ANXA11: variants seen among roughly 807,000 people sequenced by gnomAD.
The protein encoded by ANXA11 is annexin A11.
Under a neutral mutation model 64.7 loss-of-function variants are expected in ANXA11, and 57 were observed. That is an observed-to-expected ratio of 0.88 (90% CI 0.71 to 1.10). ANXA11 has a LOEUF of 1.10. ANXA11 is among the 50% of genes least tolerant of loss of function. The probability of loss-of-function intolerance (pLI) is 0.00; values close to 1 mark genes in which losing one functional copy is unlikely to be tolerated. For missense variants in ANXA11, 675 were observed against 670.7 expected (o/e 1.01, Z -0.07); for synonymous variants, 260 against 265.2 (o/e 0.98, Z 0.19).
chr10:80,205,519 G>A lies in ANXA11; in HGVS notation c.-234C>T, dbSNP rs946517081. 14 of 152,178 alleles carry A rather than the reference G, an allele frequency of 9.2e-5. No homozygotes were observed. The East Asian group carries it at 2.5e-3, about 27-fold the overall frequency. 9.4% of individuals were successfully genotyped at this position (152,178 alleles called of 1,614,324 possible). ...GGAGCCGCGGGCGCAGCAGCCGTCA[G>A]CGCCGGGCGGAAAACTCCGCGGGCG... is the stretch of plus-strand genomic sequence containing the variant. On this transcript the variant is annotated 5_prime_UTR_variant, in exon 1 of 16. Transcript: ENST00000422982.
chr10:80,192,012 C>T (rs984250217), intron 1 of ANXA11, among the ~76,000 whole-genome samples: 4 of 152,188 alleles, frequency 2.6e-5, no homozygotes, highest in African/African-American at 9.7e-5. Context: ...AGCTCATCGT[C>T]CCCAGGGCAG....
chr10:80,171,244 C>A, intron 3 of ANXA11: 1 of 1,195,168 alleles, frequency 8.4e-7, no homozygotes, highest in Non-Finnish European at 1.0e-6. Flanking sequence ...GGAGGACAGA[C>A]AAGGACAGAC....
At chr10:80,198,310 T>C (rs1298831724) in intron 1 of ANXA11, among the ~76,000 whole-genome samples, 1 of 152,218 alleles carries the variant, frequency 6.6e-6, no homozygotes, top group Non-Finnish European at 1.5e-5. Context: ...CTGTTCTCTC[T>C]TGCTTTAGTA....
rs758605907 is a variant in ANXA11, at chr10:80,166,936, T to C, written c.698A>G (p.Lys233Arg). 6.2e-7 allele frequency: 1 copy of C among 1,609,570 alleles called. No individual in the cohort carries two copies. The highest frequency in any genetic ancestry group is 2.2e-5 in the East Asian group (1 of 44,694). ...IIDCLGSRSNKQRQQILLSFK... is the reference protein window; with the variant it reads ...IIDCLGSRSNRQRQQILLSFK... ...GGAAAGTAGGATCTGCTGCCGCTGCTTGTTGGAGCGACTCCCCAGGCAGTC... is the reference window on the plus strand; with the variant it reads ...GGAAAGTAGGATCTGCTGCCGCTGCCTGTTGGAGCGACTCCCCAGGCAGTC... Residue 233 changes from lysine to arginine, a missense_variant, in exon 7 of 16, where the codon AAG (lysine) becomes AGG (arginine). By Grantham distance (26) the Lys-to-Arg change is conservative. Coordinates refer to ENST00000422982, the MANE Select transcript of ANXA11 (RefSeq NM_145868.2).
chr10:80,200,648 A>C (rs1840380024), intron 1 of ANXA11, among the ~76,000 whole-genome samples: 1 of 152,230 alleles, frequency 6.6e-6, no homozygotes, highest in African/African-American at 2.4e-5. Flanking sequence ...TAAGAGATCT[A>C]TCTAAAGTCA....
chr10:80,174,183 G>C (rs1316276357), intron 2 of ANXA11, among the ~76,000 whole-genome samples: 2 of 152,002 alleles, frequency 1.3e-5, no homozygotes, highest in African/African-American at 2.4e-5. Context: ...GCCTCCTAAA[G>C]ACATGTGCCA....
At chr10:80,185,196 C>T (rs867637456) in intron 1 of ANXA11, among the ~76,000 whole-genome samples, 4 of 152,308 alleles carry the variant, frequency 2.6e-5, no homozygotes, top group African/African-American at 7.2e-5. Flanking sequence ...CACTATAAGT[C>T]TGTTTGCTTC....
intron 1 of ANXA11, among the ~76,000 whole-genome samples, chr10:80,186,570 C>T (rs745698555): frequency 1.3e-5 from 2 of 152,148 alleles, no homozygotes; most frequent in Non-Finnish European, 2.9e-5. Flanking sequence ...GAAAGACCCT[C>T]GGAGAGTAAA....
intron 1 of ANXA11, among the ~76,000 whole-genome samples, chr10:80,176,734 C>T (rs1458577456): frequency 6.6e-6 from 1 of 151,842 alleles, no homozygotes; most frequent in African/African-American, 2.4e-5. Flanking sequence ...TGATGGCGCT[C>T]GTGGAGCTCA....
At chr10:80,167,122 G>C in intron 6 of ANXA11, 104 bp downstream of exon 6, 1 of 1,318,848 alleles carries the variant, frequency 7.6e-7, no homozygotes, top group Non-Finnish European at 1.1e-6. Context: ...CACCACTGGG[G>C]CCAGGTCAGC....
chr10:80,169,005 C>T lies in ANXA11; in HGVS notation c.525G>A (p.Gly175=). The change falls in exon 5 of 16, where the codon GGG becomes GGA. Residue 175 remains glycine, a synonymous_variant. Coordinates refer to ENST00000422982, the MANE Select transcript of ANXA11 (RefSeq NM_145868.2). ...GCACAGCGGGGGTGACAGTCCCAGA[C>T]CCCGGGTATCCTGGGTAGCTCGGCA... ...QPVPSYPGYP[G]SGTVTPAVPP... 6.5e-7 allele frequency: 1 copy of T among 1,546,200 alleles called. No homozygotes were observed. The highest frequency in any genetic ancestry group is 8.7e-7 in the Non-Finnish European group (1 of 1,151,946).
At chr10:80,170,952 TC>T (rs1845948672) in intron 3 of ANXA11, 37 bp from the exon 4 acceptor site, 1 of 1,559,720 alleles carries the variant, frequency 6.4e-7, no homozygotes, top group Non-Finnish European at 8.7e-7. Context: ...CCCCTGCCAG[TC>T]CCCCACCACA....
At chr10:80,167,084 T>C (rs1226302156) in intron 6 of ANXA11, 100 bp from the exon 7 acceptor site, 31 of 1,269,348 alleles carry the variant, frequency 2.4e-5, no homozygotes, top group Non-Finnish European at 3.4e-5. Context: ...CTGGGCATGC[T>C]AGCCATACCC....
chr10:80,201,778 G>A (rs552411460), intron 1 of ANXA11, among the ~76,000 whole-genome samples: 2 of 152,154 alleles, frequency 1.3e-5, no homozygotes, highest in Non-Finnish European at 2.9e-5. Context: ...ACTGTCACAC[G>A]CACCCTTTCC....
Position 80,188,568 on chromosome 10 carries a change from T to C in ANXA11, c.-57-12413A>G, listed in dbSNP as rs181160813. 4.4e-3 allele frequency among the ~76,000 whole-genome samples: 661 copies of C among 149,620 alleles called. 8 individuals carry two copies. Among genetic ancestry groups the C allele is most frequent in the African/African-American group, 0.016 (645 of 40,616 alleles). On this transcript the variant is annotated intron_variant, in intron 1 of 15. Transcript: ENST00000422982. Reference sequence around the variant, plus strand: ...GCTCAGTTAATTTTAACTTAGTCCCTAGGAGGCATTAGCCTGGAGCCAAGG... The same window carrying C: ...GCTCAGTTAATTTTAACTTAGTCCCCAGGAGGCATTAGCCTGGAGCCAAGG...
intron 3 of ANXA11, chr10:80,171,603 G>T: frequency 1.0e-6 from 1 of 983,498 alleles, no homozygotes; most frequent in African/African-American, 1.7e-5. Flanking sequence ...GACGAAGACT[G>T]AGTTAACACC....
chr10:80,186,290 A>AG (rs1326366680), intron 1 of ANXA11, among the ~76,000 whole-genome samples: 2 of 149,736 alleles, frequency 1.3e-5, no homozygotes, highest in Non-Finnish European at 3.0e-5. Flanking sequence ...TGGGGACTGA[A>AG]GGGGGAAGGA....
intron 7 of ANXA11, 152 bp from the exon 8 acceptor site, chr10:80,166,349 C>T: frequency 1.7e-6 from 1 of 584,392 alleles, no homozygotes; most frequent in South Asian, 2.1e-5. Flanking sequence ...CTGCTCTCAG[C>T]CCTGCCCCAA....
chr10:80,198,081 C>T (rs890990402), intron 1 of ANXA11, among the ~76,000 whole-genome samples: 1 of 152,220 alleles, frequency 6.6e-6, no homozygotes, highest in Non-Finnish European at 1.5e-5. Context: ...TCAGCAAAGC[C>T]ACAGCAGCTT....
Sources: gnomAD v4.1 joint callset for allele counts (sites outside exome capture counted in the v4.1 genomes callset) on GRCh38, gnomAD v4.1.1 for gene constraint, MANE v1.5 for transcripts, NCBI Gene and HGNC (gene_info 2026-07-23, HGNC 2026-07-21) for gene names.